Variants in PLXNA2 observed in about 807,000 individuals in gnomAD.
PLXNA2 encodes the protein plexin-A2.
A neutral mutation model predicts 193.5 loss-of-function variants in PLXNA2; 91 were observed. The observed-to-expected ratio is 0.47, with a 90% CI of 0.40 to 0.56. PLXNA2 has a LOEUF of 0.56. Ranked by LOEUF, PLXNA2 falls within the 20% of genes least tolerant of loss-of-function variation. The pLI is 0.00. For missense variants in PLXNA2, 1,995 were observed against 2,503.2 expected, an observed-to-expected ratio of 0.80 and a Z score of 4.33; for synonymous variants, 997 against 1,027.3, an observed-to-expected ratio of 0.97 and a Z score of 0.56.
At position 208,044,253 on chromosome 1, in the gene PLXNA2, A is replaced by G; in HGVS notation, c.3874+255T>C. On this transcript the variant is annotated intron_variant, in intron 20 of 31. Transcript: ENST00000367033. This position sits in a 1 kb window ranked among gnomAD's most constrained non-coding sequence, Gnocchi z 4.9. ...CTGAGAGGGAGAAAGTGTTTGCCAG[A>G]TTGTGGGATGGGTCAGGGCAAAGAA... is the stretch of plus-strand genomic sequence containing the variant. 6.6e-6 allele frequency among the ~76,000 whole-genome samples: 1 copy of G among 152,174 alleles called. No individual in the cohort carries two copies. Among genetic ancestry groups the G allele is most frequent in the East Asian group, 1.9e-4 (1 of 5,192 alleles).
chr1:208,244,253 G>A lies in PLXNA2; in HGVS notation c.-691C>T, dbSNP rs1672158785. ...AGCAACTGCCCTCCGCCGCCCTCCCGCTCCAGTCTGGCGCGGATGCCGCTC... is the reference window on the plus strand; with the variant it reads ...AGCAACTGCCCTCCGCCGCCCTCCCACTCCAGTCTGGCGCGGATGCCGCTC... On this transcript the variant is annotated 5_prime_UTR_variant, in exon 1 of 32. Coordinates refer to ENST00000367033, the MANE Select transcript of PLXNA2 (RefSeq NM_025179.4). 5.3e-6 allele frequency: 1 copy of A among 186,950 alleles called. No individual in the cohort carries two copies. The highest frequency in any genetic ancestry group is 1.1e-5 in the Non-Finnish European group (1 of 92,206). The allele number at this position is 186,950 out of a possible 1,614,324, so 11.6% of individuals were successfully genotyped here. A position where few individuals can be genotyped will look rare whatever the true frequency, so the allele number is the denominator to read the frequency against.
intron 3 of PLXNA2, among the ~76,000 whole-genome samples, chr1:208,152,316 G>C (rs1490590170): frequency 6.6e-6 from 1 of 152,030 alleles, no homozygotes; most frequent in Non-Finnish European, 1.5e-5. Flanking sequence ...GAAAAGCCAT[G>C]GTAACCGAGA....
chr1:208,220,594 G>A (rs546018072), intron 1 of PLXNA2, among the ~76,000 whole-genome samples: 11 of 149,504 alleles, frequency 7.4e-5, no homozygotes, highest in Non-Finnish European at 1.3e-4. Context: ...CACCACACCC[G>A]CCTAATTTTT....
At chr1:208,155,325 G>A (rs1223588203) in intron 3 of PLXNA2, among the ~76,000 whole-genome samples, 1 of 152,118 alleles carries the variant, frequency 6.6e-6, no homozygotes, top group African/African-American at 2.4e-5. Context: ...AAAAGCAAGG[G>A]GGAGGCTCCA....
chr1:208,030,548 A>G (rs1664469645), intron 29 of PLXNA2: 2 of 985,316 alleles, frequency 2.0e-6, no homozygotes, highest in African/African-American at 3.5e-5. Flanking sequence ...CTCCACTGTG[A>G]TCAAAGCTGC....
At chr1:208,168,724 G>GTTTTTTTTTTTTTTTTTTTTTT (rs10668701) in intron 3 of PLXNA2, among the ~76,000 whole-genome samples, 1 of 73,196 alleles carries the variant, frequency 1.4e-5, no homozygotes, top group South Asian at 5.2e-4. Context: ...AGTATGCGGG[G>GTTTTTTTTTTTTTTTTTTTTTT]TTTTTTTTTT....
chr1:208,101,093 G>A (rs1667082508), intron 5 of PLXNA2, among the ~76,000 whole-genome samples: 3 of 152,246 alleles, frequency 2.0e-5, no homozygotes, highest in Admixed American at 1.3e-4. Flanking sequence ...TCTAAAGTGA[G>A]CTCTTGACTG....
rs79862404 is a variant in PLXNA2, at chr1:208,118,523, C to G, written c.1507-15276G>C. On this transcript the variant is annotated intron_variant, in intron 4 of 31. Transcript: ENST00000367033. ...CCTCTCTGGGTGCTTCTGCCTCCCC[C>G]ACCCCGGGGTCTTGTCCTGCCTGGG... Among the ~76,000 whole-genome samples, 1,279 of 152,306 alleles carry G rather than the reference C, an allele frequency of 8.4e-3. 21 individuals are homozygous for G. Among genetic ancestry groups the G allele is most frequent in the African/African-American group, 0.03 (1,233 of 41,554 alleles).
chr1:208,038,762 T>C lies in PLXNA2; in HGVS notation c.4660+63A>G. On this transcript the variant is annotated intron_variant, in intron 25 of 31. Coordinates refer to ENST00000367033, the MANE Select transcript of PLXNA2 (RefSeq NM_025179.4). This position sits in a 1 kb window ranked among gnomAD's most constrained non-coding sequence, Gnocchi z 4.1. Reference sequence around the variant, plus strand: ...CATGCCCCTGCAAGGGTTGTGTGCATGGCAGCTTCCCTTCCTTCACCTCTC... The same window carrying C: ...CATGCCCCTGCAAGGGTTGTGTGCACGGCAGCTTCCCTTCCTTCACCTCTC... 1 of 1,533,164 alleles carries C rather than the reference T, an allele frequency of 6.5e-7. No individual in the cohort carries two copies. Among genetic ancestry groups the C allele is most frequent in the Non-Finnish European group, 9.0e-7 (1 of 1,116,904 alleles). The allele number at this position is 1,533,164 out of a possible 1,614,324, so 95.0% of individuals were successfully genotyped here.
At chr1:208,181,815 A>G (rs753206715) in intron 3 of PLXNA2, among the ~76,000 whole-genome samples, 8 of 152,214 alleles carry the variant, frequency 5.3e-5, no homozygotes, top group Non-Finnish European at 1.2e-4. Context: ...AGAAGCTGTA[A>G]TTTTAAATTA....
At chr1:208,081,119 T>G (rs1666326116) in intron 11 of PLXNA2, among the ~76,000 whole-genome samples, 1 of 152,176 alleles carries the variant, frequency 6.6e-6, no homozygotes, top group South Asian at 2.1e-4. Flanking sequence ...CTCTCTAAGC[T>G]CCAGGTGCTA....
chr1:208,059,962 C>A (rs573254444), intron 13 of PLXNA2, among the ~76,000 whole-genome samples: 1 of 152,132 alleles, frequency 6.6e-6, no homozygotes, highest in East Asian at 1.9e-4. Flanking sequence ...CCCAGTACCC[C>A]CTGCAGAGCT....
intron 1 of PLXNA2, among the ~76,000 whole-genome samples, chr1:208,238,219 C>T (rs896356776): frequency 3.9e-5 from 6 of 152,238 alleles, no homozygotes; most frequent in Middle Eastern, 3.4e-3. Context: ...TTCACCAGCT[C>T]TTCACTCGGA....
chr1:208,042,829 A>G (rs1664920311), intron 21 of PLXNA2, among the ~76,000 whole-genome samples: 1 of 152,260 alleles, frequency 6.6e-6, no homozygotes, highest in Non-Finnish European at 1.5e-5. Context: ...TAGTTCAGTC[A>G]TTAATTAAAA....
At chr1:208,189,594 T>A (rs1353652054) in intron 3 of PLXNA2, among the ~76,000 whole-genome samples, 1 of 152,052 alleles carries the variant, frequency 6.6e-6, no homozygotes, top group Non-Finnish European at 1.5e-5. Flanking sequence ...CTTTGCCAAG[T>A]ACTGCACTAA....
intron 9 of PLXNA2, among the ~76,000 whole-genome samples, chr1:208,085,800 T>C (rs1321397008): frequency 6.6e-6 from 1 of 152,194 alleles, no homozygotes; most frequent in African/African-American, 2.4e-5. Flanking sequence ...ACTGAATGTA[T>C]GGTTAACTCT....
At chr1:208,110,600 T>C (rs1044168930) in intron 4 of PLXNA2, among the ~76,000 whole-genome samples, 2 of 152,362 alleles carry the variant, frequency 1.3e-5, no homozygotes, top group Non-Finnish European at 2.9e-5. Context: ...ATTTAATCCT[T>C]ACACCAACCT....
intron 29 of PLXNA2, chr1:208,030,126 A>G: frequency 1.0e-6 from 1 of 985,510 alleles, no homozygotes; most frequent in Non-Finnish European, 1.2e-6. Flanking sequence ...ATCTTCCAAA[A>G]CACAACAGGA....
rs371264517 is a variant in PLXNA2 at position 208,043,222 on chromosome 1, G to A, written c.3875-19C>T. The A allele has an allele frequency of 6.6e-5, 106 of 1,607,774 alleles. No individual in the cohort carries two copies. The highest frequency in any genetic ancestry group is 1.3e-4 in the African/African-American group (10 of 74,952). ...GCAAAAGCTATGAGAATAAGCAGAC[G>A]GAGAGGCTCGTGGGGAAGCCCCAGT... On this transcript the variant is annotated intron_variant, in intron 20 of 31. Coordinates refer to ENST00000367033, the MANE Select transcript of PLXNA2 (RefSeq NM_025179.4).
Sources: allele counts gnomAD v4.1 joint callset (sites outside exome capture counted in the v4.1 genomes callset), GRCh38; gene constraint gnomAD v4.1.1; non-coding constraint Gnocchi (gnomAD v3.1); transcripts MANE v1.5; gene names NCBI Gene and HGNC (gene_info 2026-07-23, HGNC 2026-07-21).